Variants in TMC1 observed in about 807,000 individuals in gnomAD.
TMC1 encodes the protein transmembrane channel-like protein 1.
TMC1 carries 84 observed loss-of-function variants against 105.8 expected under a neutral mutation model. That is an observed-to-expected ratio of 0.79 (90% confidence interval 0.67 to 0.95). The LOEUF is 0.95. Among genes scored for constraint, TMC1 ranks in the 40% least tolerant of loss-of-function variants. The pLI is 0.00. For synonymous variants in TMC1, 315 were observed against 311.5 expected, an observed-to-expected ratio of 1.01 and a Z score of -0.12; for missense variants, 817 against 914.1, an observed-to-expected ratio of 0.89 and a Z score of 1.37.
chr9:72,675,731 G>C (rs72733021), intron 5 of TMC1, among the ~76,000 whole-genome samples: 15,323 of 152,136 alleles, frequency 0.1, 924 homozygotes, highest in African/African-American at 0.15. Flanking sequence ...CAAGGTCCCA[G>C]CTTCTAGTAG....
intron 3 of TMC1, among the ~76,000 whole-genome samples, chr9:72,623,911 C>T (rs1825300045): frequency 1.3e-5 from 2 of 152,084 alleles, no homozygotes; most frequent in South Asian, 2.1e-4. Context: ...TCGTAAGGGG[C>T]ACCATACTGA....
chr9:72,574,036 C>T (rs755390365), intron 1 of TMC1, among the ~76,000 whole-genome samples: 6 of 152,158 alleles, frequency 3.9e-5, no homozygotes, highest in African/African-American at 1.2e-4. Context: ...TGTGAGAACA[C>T]GCAGTATATG....
At chr9:72,555,368 T>G (rs1266067103) in intron 1 of TMC1, among the ~76,000 whole-genome samples, 1 of 151,754 alleles carries the variant, frequency 6.6e-6, no homozygotes, top group Non-Finnish European at 1.5e-5. Flanking sequence ...TTGTGTATTT[T>G]AGTAGAGATG....
intron 12 of TMC1, among the ~76,000 whole-genome samples, chr9:72,755,258 C>T (rs544186154): frequency 1.4e-4 from 22 of 152,250 alleles, no homozygotes; most frequent in Non-Finnish European, 2.8e-4. Flanking sequence ...ATATTCTTAT[C>T]ACTGACTTTG....
chr9:72,740,699 T>C (rs1043177523), intron 9 of TMC1, among the ~76,000 whole-genome samples: 1 of 152,224 alleles, frequency 6.6e-6, no homozygotes, highest in African/African-American at 2.4e-5. Flanking sequence ...TGCCAAGCAC[T>C]GAATTGAATT....
rs143202942 is a variant in TMC1 at position 72,804,404 on chromosome 9, T to A, written c.1567-978T>A. On this transcript the variant is annotated intron_variant, in intron 17 of 23. Coordinates refer to ENST00000297784, the MANE Select transcript of TMC1 (RefSeq NM_138691.3). ...ATAAAAAAAGAAGACATAAAAAATT[T>A]AAAAAAATACACAATTCAATGGTTT... 1.1e-4 allele frequency among the ~76,000 whole-genome samples: 16 copies of A among 152,256 alleles called. No homozygotes were observed. In the East Asian group the frequency reaches 2.5e-3, roughly 24 times the overall value.
At chr9:72,770,777 A>G (rs2118121177) in intron 12 of TMC1, among the ~76,000 whole-genome samples, 1 of 152,228 alleles carries the variant, frequency 6.6e-6, no homozygotes, top group East Asian at 1.9e-4. Flanking sequence ...CAGGGGAGCC[A>G]ATGGTGTGAA....
rs1230898342 is a variant in TMC1 at position 72,792,291 on chromosome 9, C to A, written c.1505C>A (p.Pro502His). ...TTCTCTGAAAATAGCACTGGACCAC[C>A]CTTTTTTGTTCACCCTGCAGATGTA... is the stretch of plus-strand genomic sequence containing the variant. Reference protein sequence around the residue: ...ASFSENSTGPPFFVHPADVPR... With the variant: ...ASFSENSTGPHFFVHPADVPR... The change falls in exon 17 of 24, where the codon CCC becomes CAC. Residue 502 changes from proline to histidine, a missense_variant. Coordinates refer to ENST00000297784, the MANE Select transcript of TMC1 (RefSeq NM_138691.3). The A allele has an allele frequency of 6.2e-7, 1 of 1,614,080 alleles. No homozygotes were observed. Among genetic ancestry groups the A allele is most frequent in the South Asian group, 1.1e-5 (1 of 91,080 alleles).
intron 17 of TMC1, among the ~76,000 whole-genome samples, chr9:72,799,588 T>C (rs1564563086): frequency 6.6e-6 from 1 of 151,950 alleles, no homozygotes; most frequent in African/African-American, 2.4e-5. Flanking sequence ...ACCAGATAAA[T>C]CCCCCCTTTG....
intron 1 of TMC1, among the ~76,000 whole-genome samples, chr9:72,529,064 A>C (rs936176453): frequency 5.3e-5 from 8 of 151,274 alleles, no homozygotes; most frequent in African/African-American, 1.9e-4. Context: ...AGTATGTGAG[A>C]GAATGTGCAC....
In TMC1 at chr9:72,570,514, A is replaced by T. The variant is rs188893011; in HGVS notation, c.-427-7388A>T. ...ATATAGTATATTCTTTTATGTGGCCATTCATTATATTTTATGGGATCTTAG... is the reference window on the plus strand; with the variant it reads ...ATATAGTATATTCTTTTATGTGGCCTTTCATTATATTTTATGGGATCTTAG... On this transcript the variant is annotated intron_variant, in intron 1 of 23. Transcript: ENST00000297784. Among the ~76,000 whole-genome samples, 9 of 151,974 alleles carry T rather than the reference A, an allele frequency of 5.9e-5. No individual in the cohort carries two copies. In the East Asian group the frequency reaches 1.7e-3, roughly 29 times the overall value.
intron 18 of TMC1, among the ~76,000 whole-genome samples, chr9:72,814,748 C>T (rs1000247552): frequency 5.6e-4 from 85 of 152,126 alleles, no homozygotes; most frequent in African/African-American, 1.9e-3. Flanking sequence ...GAAGTTGAGG[C>T]CTGGATTCAT....
chr9:72,600,086 G>A (rs543492161), intron 2 of TMC1, among the ~76,000 whole-genome samples: 2 of 152,270 alleles, frequency 1.3e-5, no homozygotes, highest in African/African-American at 4.8e-5. Flanking sequence ...CGGGGCCCTC[G>A]TGTGCCAGGT....
At chr9:72,784,391 G>T (rs1273702665) in intron 13 of TMC1, among the ~76,000 whole-genome samples, 1 of 150,756 alleles carries the variant, frequency 6.6e-6, no homozygotes, top group Admixed American at 6.6e-5. Context: ...TCTCACACCA[G>T]TCAAAATGAC....
intron 17 of TMC1, among the ~76,000 whole-genome samples, chr9:72,797,003 C>T (rs941401702): frequency 3.2e-4 from 49 of 152,020 alleles, no homozygotes; most frequent in East Asian, 1.2e-3. Context: ...GCTTCTTAAG[C>T]GGATAAGCAA....
At position 72,636,683 on chromosome 9, in the gene TMC1, G is replaced by A. The variant is rs946825754; in HGVS notation, c.-53+8620G>A. 5.1e-4 allele frequency among the ~76,000 whole-genome samples: 70 copies of A among 136,470 alleles called. 1 individual carries two copies. Among genetic ancestry groups the A allele is most frequent in the Admixed American group, 6.5e-4 (8 of 12,292 alleles). 89.5% of individuals were successfully genotyped at this position (136,470 alleles called of 152,430 possible). A position where few individuals can be genotyped will look rare whatever the true frequency, so the allele number is the denominator to read the frequency against. On this transcript the variant is annotated intron_variant, in intron 4 of 23. Coordinates refer to ENST00000297784, the MANE Select transcript of TMC1 (RefSeq NM_138691.3). Reference sequence around the variant, plus strand: ...AGATTGCGCCACTGCACTCCAGCCTGGGTGACAGAGCAAGACTCCATCTCA... The same window carrying A: ...AGATTGCGCCACTGCACTCCAGCCTAGGTGACAGAGCAAGACTCCATCTCA...
rs538855124 is a variant in TMC1 at position 72,797,602 on chromosome 9, A to C, written c.1566+5250A>C. ...CATCTGATCTTTGACAAACCTGACA[A>C]AAACAAGCAATGGGGAAAATATTTC... is the stretch of plus-strand genomic sequence containing the variant. On this transcript the variant is annotated intron_variant, in intron 17 of 23. Coordinates refer to ENST00000297784, the MANE Select transcript of TMC1 (RefSeq NM_138691.3). Among the ~76,000 whole-genome samples the C allele has an allele frequency of 1.8e-3, 277 of 152,332 alleles. 3 individuals carry two copies. The Middle Eastern group carries it at 0.02, about 11-fold the overall frequency.
chr9:72,778,851 C>G (rs767410620), intron 13 of TMC1, among the ~76,000 whole-genome samples: 1 of 152,166 alleles, frequency 6.6e-6, no homozygotes, highest in Admixed American at 6.5e-5. Flanking sequence ...TCTTTGTTGG[C>G]AGACCCCACC....
intron 12 of TMC1, among the ~76,000 whole-genome samples, chr9:72,755,565 C>G (rs1279573236): frequency 2.0e-5 from 3 of 152,120 alleles, no homozygotes; most frequent in Non-Finnish European, 4.4e-5. Context: ...TTATTTCTGT[C>G]CATTGAAAAA....
Sources: gnomAD v4.1 joint callset for allele counts (sites outside exome capture counted in the v4.1 genomes callset) on GRCh38, gnomAD v4.1.1 for gene constraint, MANE v1.5 for transcripts, NCBI Gene and HGNC (gene_info 2026-07-23, HGNC 2026-07-21) for gene names.